Variants in HMGCLL1 observed in about 807,000 individuals in gnomAD.
HMGCLL1 encodes 3-hydroxy-3-methylglutaryl-CoA lyase like 1, also known as 3-hydroxymethyl-3-methylglutaryl-CoA lyase, cytoplasmic.
In HMGCLL1, 36 loss-of-function variants were observed where a neutral mutation model predicts 39.1. The observed-to-expected ratio is 0.92, with a 90% CI of 0.71 to 1.22. HMGCLL1 has a LOEUF of 1.22. Ranked by LOEUF, HMGCLL1 falls within the 50% of genes most tolerant of loss-of-function variation. The probability of loss-of-function intolerance (pLI) is 0.00; values close to 1 mark genes in which losing one functional copy is unlikely to be tolerated. For missense variants in HMGCLL1, 451 were observed against 416.5 expected (o/e 1.08, Z -0.72); for synonymous variants, 149 against 144.0 (o/e 1.03, Z -0.25).
chr6:55,662,968 G>T, the HMGCLL1 span, among the ~76,000 whole-genome samples: 1 of 151,482 alleles, frequency 6.6e-6, no homozygotes, highest in African/African-American at 2.4e-5. Context: ...TTTCTAGTTT[G>T]TGTGCATAGA....
At chr6:55,604,527 C>T in the HMGCLL1 span, among the ~76,000 whole-genome samples, 3 of 151,466 alleles carry the variant, frequency 2.0e-5, no homozygotes, top group Non-Finnish European at 4.4e-5. Context: ...TTGATAAAGA[C>T]AAAAGAAATT....
chr6:55,627,990 ATT>A, the HMGCLL1 span, among the ~76,000 whole-genome samples: 1 of 21,856 alleles, frequency 4.6e-5, no homozygotes, highest in Non-Finnish European at 7.5e-5. Flanking sequence ...TACTATATAT[ATT>A]ATATATATAG....
intron 5 of HMGCLL1, among the ~76,000 whole-genome samples, chr6:55,509,645 G>C (rs565019071): frequency 6.6e-6 from 1 of 151,820 alleles, no homozygotes; most frequent in Admixed American, 6.6e-5. Flanking sequence ...TTCATGGCAC[G>C]TGGGAAGATT....
the HMGCLL1 span, among the ~76,000 whole-genome samples, chr6:55,657,953 T>C: frequency 1.5e-3 from 233 of 151,854 alleles, 1 homozygote; most frequent in African/African-American, 5.4e-3. Context: ...AAATAACTAA[T>C]GGGTACTAGG....
intron 3 of HMGCLL1, among the ~76,000 whole-genome samples, chr6:55,541,475 T>C (rs920316018): frequency 5.9e-5 from 9 of 152,146 alleles, no homozygotes; most frequent in African/African-American, 2.2e-4. Context: ...GCAGACCCCC[T>C]AAAATGCTAT....
chr6:55,442,400 AT>A (rs1411069721), intron 7 of HMGCLL1, among the ~76,000 whole-genome samples: 1 of 152,114 alleles, frequency 6.6e-6, no homozygotes, highest in Non-Finnish European at 1.5e-5. Context: ...CGTAATACCA[AT>A]TTATGTCTTT....
rs143334608 is a variant in HMGCLL1 at position 55,514,756 on chromosome 6, T to G, written c.394-560A>C. Among the ~76,000 whole-genome samples the G allele has an allele frequency of 2.1e-3, 321 of 152,292 alleles. 2 individuals are homozygous for G. Among genetic ancestry groups the G allele is most frequent in the Admixed American group, 3.5e-3 (53 of 15,290 alleles). On this transcript the variant is annotated intron_variant, in intron 4 of 8. Coordinates refer to ENST00000274901, the MANE Select transcript of HMGCLL1 (RefSeq NM_001042406.2). The stretch of plus-strand genomic sequence containing the variant: ...CGTGTGTACCTAATGCTTTGATCTT[T>G]TTGTCAGTCTTTAAATGCAAAATAT...
At chr6:55,637,674 A>T in the HMGCLL1 span, among the ~76,000 whole-genome samples, 97 of 151,584 alleles carry the variant, frequency 6.4e-4, 2 homozygotes, top group East Asian at 0.017. Flanking sequence ...TGAACATCAA[A>T]ATTATATACA....
At chr6:55,460,219 G>A (rs947171181) in intron 7 of HMGCLL1, among the ~76,000 whole-genome samples, 1 of 151,872 alleles carries the variant, frequency 6.6e-6, no homozygotes, top group Non-Finnish European at 1.5e-5. Flanking sequence ...TCTCACTAAG[G>A]ATAACAAATG....
the HMGCLL1 span, among the ~76,000 whole-genome samples, chr6:55,645,046 A>T: frequency 6.6e-6 from 1 of 151,930 alleles, no homozygotes; most frequent in Non-Finnish European, 1.5e-5. Flanking sequence ...ATATCTTTCC[A>T]TTTTTTGTTA....
rs1554143196 is a variant in HMGCLL1 at position 55,477,216 on chromosome 6, T to TTTA, written c.795+18202_795+18203insTAA. Among the ~76,000 whole-genome samples the TTTA allele has an allele frequency of 3.6e-3, 51 of 14,250 alleles. 8 individuals are homozygous for TTTA. Among genetic ancestry groups the TTTA allele is most frequent in the African/African-American group, 0.027 (48 of 1,750 alleles). 9.3% of individuals were successfully genotyped at this position (14,250 alleles called of 152,430 possible). On this transcript the variant is annotated intron_variant, in intron 7 of 8. Coordinates refer to ENST00000274901, the MANE Select transcript of HMGCLL1 (RefSeq NM_001042406.2). The stretch of plus-strand genomic sequence containing the variant: ...TATATATTATATAATATATATTATA[T>TTTA]TATAATATATAATATATATTATATT...
At chr6:55,508,725 A>T (rs1448993993) in intron 5 of HMGCLL1, among the ~76,000 whole-genome samples, 1 of 151,886 alleles carries the variant, frequency 6.6e-6, no homozygotes, top group Admixed American at 6.6e-5. Context: ...AAATAATTTT[A>T]AATTATTGTA....
intron 7 of HMGCLL1, among the ~76,000 whole-genome samples, chr6:55,450,211 T>A (rs1318976675): frequency 6.6e-6 from 1 of 152,182 alleles, no homozygotes; most frequent in African/African-American, 2.4e-5. Context: ...AACAGATGGT[T>A]AAGGAAAATG....
At chr6:55,633,601 G>T in the HMGCLL1 span, among the ~76,000 whole-genome samples, 15 of 151,890 alleles carry the variant, frequency 9.9e-5, no homozygotes, top group Non-Finnish European at 1.6e-4. Context: ...ATGTTAATTT[G>T]GGAAATTCAG....
chr6:55,448,585 T>C lies in HMGCLL1; in HGVS notation c.796-9026A>G, dbSNP rs73744292. On this transcript the variant is annotated intron_variant, in intron 7 of 8. Transcript: ENST00000274901. ...TTTGCCAGTATCATACCCCCAGAAGTATTCTGGTCTATCTCAGGCTCACAT... is the reference window on the plus strand; with the variant it reads ...TTTGCCAGTATCATACCCCCAGAAGCATTCTGGTCTATCTCAGGCTCACAT... Among the ~76,000 whole-genome samples the C allele has an allele frequency of 5.6e-3, 847 of 152,124 alleles. 9 individuals carry two copies. The highest frequency in any genetic ancestry group is 0.019 in the African/African-American group (778 of 41,512).
At chr6:55,678,078 T>C in the HMGCLL1 span, among the ~76,000 whole-genome samples, 5 of 152,290 alleles carry the variant, frequency 3.3e-5, no homozygotes, top group East Asian at 9.6e-4. Context: ...AACTATGAGA[T>C]TGTTAATAGT....
the HMGCLL1 span, among the ~76,000 whole-genome samples, chr6:55,677,960 T>C: frequency 6.6e-6 from 1 of 152,226 alleles, no homozygotes; most frequent in Non-Finnish European, 1.5e-5. Context: ...ATGAGGTTGA[T>C]GTTGATTACC....
chr6:55,579,208 C>T (rs979201311), upstream of HMGCLL1: 5 of 637,710 alleles, frequency 7.8e-6, no homozygotes, highest in Non-Finnish European at 1.4e-5. Flanking sequence ...GCGGCGGCGC[C>T]GAGAGGGCGG....
At chr6:55,466,477 T>C (rs982162403) in intron 7 of HMGCLL1, among the ~76,000 whole-genome samples, 15 of 152,146 alleles carry the variant, frequency 9.9e-5, no homozygotes, top group Non-Finnish European at 1.8e-4. Context: ...GCCCCTGGCA[T>C]AGTTTAGGCC....
Sources: gnomAD v4.1 joint callset for allele counts (sites outside exome capture counted in the v4.1 genomes callset) on GRCh38, gnomAD v4.1.1 for gene constraint, MANE v1.5 for transcripts, NCBI Gene and HGNC (gene_info 2026-07-23, HGNC 2026-07-21) for gene names.